ZNF407: variants seen among roughly 807,000 people sequenced by gnomAD.
ZNF407 encodes the protein zinc finger protein 407.
ZNF407 carries 17 observed loss-of-function variants against 131.2 expected under a neutral mutation model. The ratio of observed to expected loss-of-function variants is 0.13; its 90% CI spans 0.09 to 0.19. The LOEUF (loss-of-function observed/expected upper bound fraction) is 0.19. Among genes scored for constraint, ZNF407 ranks in the 10% least tolerant of loss-of-function variants. ZNF407 has a pLI of 1.00. For synonymous variants in ZNF407, 1,156 were observed against 1,062.0 expected (o/e 1.09, Z -1.72); for missense variants, 2,681 against 2,830.6 (o/e 0.95, Z 1.20).
intron 4 of ZNF407, among the ~76,000 whole-genome samples, chr18:74,831,537 G>A (rs1970483226): frequency 6.6e-6 from 1 of 152,162 alleles, no homozygotes; most frequent in African/African-American, 2.4e-5. Flanking sequence ...ATTCCTGACT[G>A]ATTTCACATA....
At chr18:74,650,970 AT>A (rs1288285947) in intron 3 of ZNF407, among the ~76,000 whole-genome samples, 2 of 151,976 alleles carry the variant, frequency 1.3e-5, no homozygotes, top group Non-Finnish European at 2.9e-5. Flanking sequence ...TAAATATAAT[AT>A]TTCCCCCCTT....
chr18:74,739,921 T>C (rs1968509218), intron 3 of ZNF407, among the ~76,000 whole-genome samples: 1 of 152,218 alleles, frequency 6.6e-6, no homozygotes, highest in Non-Finnish European at 1.5e-5. Context: ...CTTTGTCTTT[T>C]TTATGATACC....
chr18:74,610,575 A>C (rs1289872885), intron 1 of ZNF407, among the ~76,000 whole-genome samples: 1 of 152,058 alleles, frequency 6.6e-6, no homozygotes, highest in South Asian at 2.1e-4. Flanking sequence ...TTTGTTGAGA[A>C]GTCTCGTTCT....
intron 4 of ZNF407, among the ~76,000 whole-genome samples, chr18:74,868,389 C>CA (rs1971042098): frequency 6.6e-6 from 1 of 152,094 alleles, no homozygotes; most frequent in Non-Finnish European, 1.5e-5. Flanking sequence ...AAAGATAAGG[C>CA]TGCATTTAGC....
chr18:74,752,515 A>G (rs1172220458), intron 3 of ZNF407, among the ~76,000 whole-genome samples: 2 of 152,178 alleles, frequency 1.3e-5, no homozygotes, highest in South Asian at 2.1e-4. Context: ...TAGGTCTAAC[A>G]TTTAAGTCTT....
intron 8 of ZNF407, among the ~76,000 whole-genome samples, chr18:74,981,755 G>T (rs999873280): frequency 6.6e-6 from 1 of 152,200 alleles, no homozygotes; most frequent in African/African-American, 2.4e-5. Context: ...CCTGAGCATG[G>T]TGGTTTCATT....
intron 6 of ZNF407, among the ~76,000 whole-genome samples, chr18:74,888,151 G>C (rs1971336284): frequency 6.6e-6 from 1 of 152,102 alleles, no homozygotes; most frequent in Non-Finnish European, 1.5e-5. Flanking sequence ...GAAATAACAA[G>C]TAGAGTTATT....
intron 3 of ZNF407, among the ~76,000 whole-genome samples, chr18:74,730,643 G>A (rs1968273213): frequency 6.6e-6 from 1 of 152,144 alleles, no homozygotes; most frequent in African/African-American, 2.4e-5. Flanking sequence ...TACACTTAAT[G>A]GGTTTAACCA....
At chr18:74,699,222 T>C (rs1967434452) in intron 3 of ZNF407, among the ~76,000 whole-genome samples, 1 of 152,202 alleles carries the variant, frequency 6.6e-6, no homozygotes, top group South Asian at 2.1e-4. Flanking sequence ...AGATCTGCTA[T>C]GGACACACTT....
chr18:75,060,308 G>A (rs1206605616), intron 8 of ZNF407: 4 of 152,192 alleles, frequency 2.6e-5, no homozygotes, highest in Admixed American at 6.5e-5. Flanking sequence ...AGGGTGAGTT[G>A]CCCTTGAAGA....
At chr18:74,719,632 T>C (rs2144866565) in intron 3 of ZNF407, among the ~76,000 whole-genome samples, 2 of 152,324 alleles carry the variant, frequency 1.3e-5, no homozygotes, top group East Asian at 3.9e-4. Flanking sequence ...CTCGATCTCC[T>C]GACCTCGTGA....
intron 3 of ZNF407, among the ~76,000 whole-genome samples, chr18:74,699,070 C>T (rs1967430104): frequency 6.6e-6 from 1 of 152,156 alleles, no homozygotes; most frequent in Non-Finnish European, 1.5e-5. Flanking sequence ...CCTTCCCGCT[C>T]TCTCTCCTTT....
chr18:75,050,683 T>C (rs976304936), intron 8 of ZNF407, among the ~76,000 whole-genome samples: 1 of 152,260 alleles, frequency 6.6e-6, no homozygotes. Flanking sequence ...ATTTTTATTA[T>C]AATGAACAAC....
intron 8 of ZNF407, among the ~76,000 whole-genome samples, chr18:75,034,465 G>A (rs536767909): frequency 3.3e-5 from 5 of 151,798 alleles, no homozygotes; most frequent in Admixed American, 6.6e-5. Flanking sequence ...CACCATGCCC[G>A]GCTAATTTTT....
chr18:74,840,726 A>G (rs926063244), intron 4 of ZNF407, among the ~76,000 whole-genome samples: 7 of 152,250 alleles, frequency 4.6e-5, no homozygotes, highest in Non-Finnish European at 7.4e-5. Context: ...TCCTGTTTAC[A>G]TAGGCCATAG....
Position 74,900,763 on chromosome 18 carries a change from A to G in ZNF407, c.5249+10725A>G, listed in dbSNP as rs540751027. Among the ~76,000 whole-genome samples the G allele has an allele frequency of 8.5e-4, 130 of 152,244 alleles. 2 individuals are homozygous for G. The highest frequency in any genetic ancestry group is 6.9e-4 in the Non-Finnish European group (47 of 68,006). ...TCCTGCACGTATTTACAGCCGTTCA[A>G]TTTGTTTTCACCTATCTTTTGTTCA... On this transcript the variant is annotated intron_variant, in intron 7 of 8. Coordinates refer to ENST00000299687, the MANE Select transcript of ZNF407 (RefSeq NM_017757.3).
intron 3 of ZNF407, among the ~76,000 whole-genome samples, chr18:74,724,249 A>C (rs1968105803): frequency 6.6e-6 from 1 of 152,084 alleles, no homozygotes; most frequent in Non-Finnish European, 1.5e-5. Flanking sequence ...ATATAGTTTG[A>C]TGTTTAAATA....
Position 74,877,209 on chromosome 18 carries a change from C to A in ZNF407, c.4890C>A (p.Cys1630Ter). 1 of 1,613,868 alleles carries A rather than the reference C, an allele frequency of 6.2e-7. No individual in the cohort carries two copies. Among genetic ancestry groups the A allele is most frequent in the Non-Finnish European group, 8.5e-7 (1 of 1,179,794 alleles). Residue 1630 changes from cysteine (C) to a stop codon, truncating the protein, a stop_gained, in exon 5 of 9, where the codon TGC becomes TGA. Transcript: ENST00000299687. LOFTEE classifies it high-confidence loss of function. Reference protein sequence around the residue: ...VGTPKERKFTCHLCDRSFTEK... With the variant: ...VGTPKERKFT ...CTCCTTCATGCAGGAAATTTACATGCCACTTATGTGATAGAAGTTTCACAG... is the reference window on the plus strand; with the variant it reads ...CTCCTTCATGCAGGAAATTTACATGACACTTATGTGATAGAAGTTTCACAG...
chr18:74,920,891 A>G (rs902123306), intron 8 of ZNF407, 199 bp downstream of exon 8: 3 of 1,239,266 alleles, frequency 2.4e-6, no homozygotes, highest in Non-Finnish European at 3.0e-6. Flanking sequence ...ACTGTATTTT[A>G]TCAAAAAAGG....
Sources: allele counts gnomAD v4.1 joint callset (sites outside exome capture counted in the v4.1 genomes callset), GRCh38; gene constraint gnomAD v4.1.1; transcripts MANE v1.5; gene names NCBI Gene and HGNC (gene_info 2026-07-23, HGNC 2026-07-21).